Variants in DROSHA observed in about 807,000 individuals in gnomAD.
The protein encoded by DROSHA is drosha ribonuclease III, also known as ribonuclease 3.
A neutral mutation model predicts 181.9 loss-of-function variants in DROSHA; 56 were observed. The observed-to-expected ratio is 0.31, with a 90% CI of 0.25 to 0.38. The LOEUF is 0.38. DROSHA is among the 10% of genes least tolerant of loss of function. The pLI, the probability that DROSHA is intolerant of heterozygous loss-of-function variation, is 1.00. For missense variants in DROSHA, 1,218 were observed against 1,743.5 expected (o/e 0.70, Z 5.37); for synonymous variants, 524 against 591.2 (o/e 0.89, Z 1.65).
At position 31,526,900 on chromosome 5, in the gene DROSHA, C is replaced by T. The variant is rs766623273; in HGVS notation, c.33G>A (p.Ser11=). Residue 11 remains serine, a synonymous_variant, in exon 5 of 36, where the codon TCG becomes TCA. Transcript: ENST00000344624. ...GGGGACACCCTCGTCCCGGGTGGAA[C>T]GACATTCTGTGACTTCATGGCAGAA... MMQGNTCHRM[S]FHPGRGCPRG... 4.2e-5 allele frequency: 67 copies of T among 1,612,306 alleles called. No homozygotes were observed. Among genetic ancestry groups the T allele is most frequent in the Middle Eastern group, 1.9e-4 (1 of 5,334 alleles).
intron 23 of DROSHA, among the ~76,000 whole-genome samples, chr5:31,445,946 A>G (rs1746192443): frequency 6.6e-6 from 1 of 152,214 alleles, no homozygotes; most frequent in Admixed American, 6.5e-5. Context: ...TAAGAAAATG[A>G]AATTAAAAGG....
At chr5:31,418,997 A>G (rs1383296457) in intron 30 of DROSHA, among the ~76,000 whole-genome samples, 9 of 152,240 alleles carry the variant, frequency 5.9e-5, no homozygotes, top group Admixed American at 5.9e-4. Context: ...AAAGACTGGT[A>G]GGAGAGACTC....
At chr5:31,410,709 G>C in intron 31 of DROSHA, 37 bp downstream of exon 31, 1 of 1,599,412 alleles carries the variant, frequency 6.3e-7, no homozygotes, top group Non-Finnish European at 8.5e-7. Flanking sequence ...CTTAAACTCT[G>C]AACCTGGAGG....
chr5:31,483,668 C>T (rs755369952), intron 15 of DROSHA, 40 bp from the exon 16 acceptor site: 4 of 1,490,058 alleles, frequency 2.7e-6, no homozygotes, highest in East Asian at 2.3e-5. Context: ...AAAAAGAAAA[C>T]TCAGTCTTAA....
At chr5:31,516,831 T>C (rs1173176164) in intron 6 of DROSHA, among the ~76,000 whole-genome samples, 4 of 152,338 alleles carry the variant, frequency 2.6e-5, no homozygotes, top group East Asian at 1.9e-4. Context: ...GTATATACCA[T>C]AATTTAACAA....
intron 30 of DROSHA, among the ~76,000 whole-genome samples, chr5:31,413,678 C>T (rs759649417): frequency 1.3e-5 from 2 of 152,230 alleles, no homozygotes; most frequent in East Asian, 3.9e-4. Flanking sequence ...TGCAGACCGG[C>T]TGTTGCAATG....
At chr5:31,404,562 G>T (rs1489404049) in intron 35 of DROSHA, among the ~76,000 whole-genome samples, 1 of 152,088 alleles carries the variant, frequency 6.6e-6, no homozygotes, top group Non-Finnish European at 1.5e-5. Flanking sequence ...ACCTCATTTA[G>T]CAGGGTACTT....
chr5:31,513,719 C>G (rs1738953025), intron 8 of DROSHA, among the ~76,000 whole-genome samples: 1 of 152,198 alleles, frequency 6.6e-6, no homozygotes, highest in African/African-American at 2.4e-5. Context: ...ACACAACTCT[C>G]TCTTATCTCT....
At chr5:31,477,944 T>C (rs551843706) in intron 16 of DROSHA, among the ~76,000 whole-genome samples, 26 of 152,370 alleles carry the variant, frequency 1.7e-4, no homozygotes, top group Admixed American at 5.9e-4. Context: ...CTATCAAGCT[T>C]ACTTTTGGGT....
chr5:31,494,999 T>C (rs956818408), intron 12 of DROSHA, among the ~76,000 whole-genome samples: 2 of 152,182 alleles, frequency 1.3e-5, no homozygotes, highest in African/African-American at 2.4e-5. Context: ...TCAAGAAATG[T>C]GGAAGTGTTC....
chr5:31,448,519 C>CA (rs1460546670), intron 23 of DROSHA, 28 bp downstream of exon 23: 2 of 1,586,100 alleles, frequency 1.3e-6, no homozygotes, highest in African/African-American at 2.7e-5. Flanking sequence ...ATATATCAAT[C>CA]AGGTTGTTTA....
At chr5:31,433,203 C>T (rs1181223568) in intron 25 of DROSHA, among the ~76,000 whole-genome samples, 1 of 152,126 alleles carries the variant, frequency 6.6e-6, no homozygotes, top group Admixed American at 6.5e-5. Flanking sequence ...AAAAATAAGA[C>T]ATATATGCTG....
chr5:31,418,285 G>C (rs1459494892), intron 30 of DROSHA, among the ~76,000 whole-genome samples: 5 of 151,162 alleles, frequency 3.3e-5, no homozygotes, highest in South Asian at 2.1e-4. Context: ...GAGAGACACA[G>C]AGAGAGAGAG....
Position 31,429,539 on chromosome 5 carries a change from A to G in DROSHA, c.3152T>C (p.Val1051Ala), listed in dbSNP as rs775235591. 1 of 1,611,790 alleles carries G rather than the reference A, an allele frequency of 6.2e-7. No homozygotes were observed. The highest frequency in any genetic ancestry group is 8.5e-7 in the Non-Finnish European group (1 of 1,178,636). Residue 1051 changes from valine to alanine, a missense_variant, in exon 27 of 36, where the codon GTT becomes GCT. Val to Ala is a moderately conservative substitution (Grantham distance 64). Coordinates refer to ENST00000344624, the MANE Select transcript of DROSHA (RefSeq NM_001382508.1). ...TTCCTCCAGGCTTCCCTCCAAGTAA[A>G]CAGCTCCTAGATGAAAAACAGAGAA... ...ANCFEALIGA[V>A]YLEGSLEEAK...
At chr5:31,525,565 A>G (rs1740447195) in intron 5 of DROSHA, among the ~76,000 whole-genome samples, 1 of 151,914 alleles carries the variant, frequency 6.6e-6, no homozygotes, top group Admixed American at 6.6e-5. Flanking sequence ...TGTGTAAATA[A>G]TCTTACTTCG....
intron 21 of DROSHA, 101 bp downstream of exon 21, chr5:31,451,432 G>T: frequency 1.0e-6 from 1 of 982,224 alleles, no homozygotes; most frequent in Non-Finnish European, 1.5e-6. Flanking sequence ...AACAATCCTT[G>T]TCACATCCCA....
intron 20 of DROSHA, among the ~76,000 whole-genome samples, chr5:31,457,421 G>A (rs545258949): frequency 9.2e-5 from 14 of 152,154 alleles, no homozygotes; most frequent in Middle Eastern, 3.4e-3. Context: ...CACTGCGTGC[G>A]TAGCCAGGTC....
intron 15 of DROSHA, among the ~76,000 whole-genome samples, chr5:31,484,309 G>A (rs1304562682): frequency 4.2e-5 from 6 of 143,536 alleles, no homozygotes; most frequent in African/African-American, 1.1e-4. Flanking sequence ...GGGAAGCGGA[G>A]CTTGCAGTGA....
rs1739029258 is a variant in DROSHA at position 31,514,255 on chromosome 5, AC to A, written c.1290+732del. Among the ~76,000 whole-genome samples, 1 of 150,642 alleles carries A rather than the reference AC, an allele frequency of 6.6e-6. No homozygotes were observed. The highest frequency in any genetic ancestry group is 1.5e-5 in the Non-Finnish European group (1 of 67,986). ...CACACACACACACACACACACACAC[AC>A]ACACATACACATACACACTACAAAC... On this transcript the variant is annotated intron_variant, in intron 8 of 35. Coordinates refer to ENST00000344624, the MANE Select transcript of DROSHA (RefSeq NM_001382508.1). This position sits in a 1 kb window ranked among gnomAD's most constrained non-coding sequence, Gnocchi z 4.4.
Sources: allele counts gnomAD v4.1 joint callset (sites outside exome capture counted in the v4.1 genomes callset), GRCh38; gene constraint gnomAD v4.1.1; non-coding constraint Gnocchi (gnomAD v3.1); transcripts MANE v1.5; gene names NCBI Gene and HGNC (gene_info 2026-07-23, HGNC 2026-07-21).